ELMO1: variants seen among roughly 807,000 people sequenced by gnomAD.
ELMO1 encodes the protein engulfment and cell motility protein 1.
In ELMO1, 26 loss-of-function variants were observed where a neutral mutation model predicts 98.9. The ratio of observed to expected loss-of-function variants is 0.26; its 90% confidence interval spans 0.19 to 0.36. The LOEUF (loss-of-function observed/expected upper bound fraction) is 0.36. Among genes scored for constraint, ELMO1 ranks in the 10% least tolerant of loss-of-function variants. The pLI, the probability that ELMO1 is intolerant of heterozygous loss-of-function variation, is 1.00. For synonymous variants in ELMO1, 346 were observed against 346.0 expected, an observed-to-expected ratio of 1.00 and a Z score of 0.00; for missense variants, 627 against 935.2, an observed-to-expected ratio of 0.67 and a Z score of 4.30.
intron 16 of ELMO1, among the ~76,000 whole-genome samples, chr7:36,944,968 G>A (rs571179186): frequency 3.3e-5 from 5 of 152,274 alleles, no homozygotes; most frequent in East Asian, 1.9e-4. Context: ...TTCACTCTGC[G>A]AACCCAGGGC....
chr7:36,895,178 C>T (rs1805891772), intron 16 of ELMO1, among the ~76,000 whole-genome samples, 161 bp from the exon 17 acceptor site: 2 of 152,166 alleles, frequency 1.3e-5, no homozygotes, highest in Admixed American at 1.3e-4. Flanking sequence ...TTCCATTATG[C>T]CCATCTTCCA....
chr7:37,264,158 A>G (rs1359685111), intron 5 of ELMO1, among the ~76,000 whole-genome samples: 1 of 152,184 alleles, frequency 6.6e-6, no homozygotes, highest in Non-Finnish European at 1.5e-5. Flanking sequence ...GGGAGGTGGG[A>G]ATATGCGCAG....
chr7:37,067,818 T>C (rs1050881185), intron 15 of ELMO1, among the ~76,000 whole-genome samples: 3 of 152,162 alleles, frequency 2.0e-5, no homozygotes, highest in Non-Finnish European at 2.9e-5. Context: ...AGAACTCATG[T>C]GGCTAATAAA....
At chr7:36,988,654 AG>A (rs1285867541) in intron 16 of ELMO1, among the ~76,000 whole-genome samples, 2 of 152,226 alleles carry the variant, frequency 1.3e-5, no homozygotes, top group Non-Finnish European at 2.9e-5. Flanking sequence ...CATGATCTAA[AG>A]GAAGAGTAAA....
chr7:37,439,526 A>G (rs1020205685), intron 1 of ELMO1, among the ~76,000 whole-genome samples: 2 of 152,222 alleles, frequency 1.3e-5, no homozygotes, highest in African/African-American at 2.4e-5. Context: ...CCCAGGCTAC[A>G]GCATACAAAT....
At chr7:37,015,385 G>A (rs1291895950) in intron 15 of ELMO1, among the ~76,000 whole-genome samples, 1 of 152,096 alleles carries the variant, frequency 6.6e-6, no homozygotes, top group Non-Finnish European at 1.5e-5. Context: ...GATCATCTGA[G>A]GTCAGAAGTT....
chr7:36,867,909 G>A (rs1021262672), intron 20 of ELMO1, among the ~76,000 whole-genome samples: 1 of 152,074 alleles, frequency 6.6e-6, no homozygotes, highest in African/African-American at 2.4e-5. Context: ...TTTAAGACAT[G>A]CTTTACGGTC....
chr7:37,137,839 A>G (rs1453171165), intron 13 of ELMO1, among the ~76,000 whole-genome samples: 1 of 152,116 alleles, frequency 6.6e-6, no homozygotes, highest in East Asian at 1.9e-4. Flanking sequence ...GCCTGGCCCA[A>G]GTCTCAGTAA....
rs548547191 is a variant in ELMO1 at position 37,135,345 on chromosome 7, G to T, written c.1087-2111C>A. Among the ~76,000 whole-genome samples the T allele has an allele frequency of 3.9e-5, 6 of 152,258 alleles. No homozygotes were observed. The South Asian group carries it at 1.2e-3, about 32-fold the overall frequency. On this transcript the variant is annotated intron_variant, in intron 13 of 21. Transcript: ENST00000310758. ...ATGAACTTTTGTTCCAAGAACAACC[G>T]CAGGAACATACCAGGAAAGCTGAGA...
chr7:37,365,901 C>T (rs1374268156), intron 1 of ELMO1, among the ~76,000 whole-genome samples: 2 of 152,130 alleles, frequency 1.3e-5, no homozygotes, highest in African/African-American at 2.4e-5. Flanking sequence ...TGTAAAATGG[C>T]TAATATGTAT....
In ELMO1 at chr7:37,157,892, A is replaced by T. The variant is rs550617272; in HGVS notation, c.1087-24658T>A. ...ACAAAGCTGGAGGCATCACACTACC[A>T]GACTTCAAACTATACTATAAGGCTA... On this transcript the variant is annotated intron_variant, in intron 13 of 21. Coordinates refer to ENST00000310758, the MANE Select transcript of ELMO1 (RefSeq NM_014800.11). Among the ~76,000 whole-genome samples the T allele has an allele frequency of 2.7e-3, 410 of 152,170 alleles. 2 individuals carry two copies. Among genetic ancestry groups the T allele is most frequent in the African/African-American group, 8.9e-3 (370 of 41,522 alleles).
intron 17 of ELMO1, among the ~76,000 whole-genome samples, chr7:36,894,499 C>CTA (rs1481747324): frequency 6.6e-6 from 1 of 152,180 alleles, no homozygotes; most frequent in East Asian, 1.9e-4. Context: ...CAAGGTCTTG[C>CTA]TATTCAAAGG....
intron 6 of ELMO1, among the ~76,000 whole-genome samples, chr7:37,252,150 T>C (rs1795383156): frequency 6.6e-6 from 1 of 152,170 alleles, no homozygotes; most frequent in African/African-American, 2.4e-5. Context: ...AAAATGGCCA[T>C]ACTGCCCAAA....
intron 16 of ELMO1, among the ~76,000 whole-genome samples, chr7:36,971,425 T>C (rs1789940437): frequency 6.6e-6 from 1 of 152,330 alleles, no homozygotes; most frequent in East Asian, 1.9e-4. Context: ...AGCTTGTTAT[T>C]TGAAGACATA....
intron 20 of ELMO1, among the ~76,000 whole-genome samples, chr7:36,862,422 C>T (rs1160763865): frequency 6.6e-6 from 1 of 152,224 alleles, no homozygotes; most frequent in African/African-American, 2.4e-5. Context: ...GGAGTGCACG[C>T]AATGAGCCAG....
At chr7:37,398,378 C>T (rs1803384783) in intron 1 of ELMO1, among the ~76,000 whole-genome samples, 1 of 152,164 alleles carries the variant, frequency 6.6e-6, no homozygotes, top group Non-Finnish European at 1.5e-5. Flanking sequence ...GAAATGTAAA[C>T]ATTCAATTAA....
At chr7:36,918,496 A>G (rs941917225) in intron 16 of ELMO1, among the ~76,000 whole-genome samples, 18 of 152,196 alleles carry the variant, frequency 1.2e-4, no homozygotes, top group Non-Finnish European at 1.9e-4. Flanking sequence ...ACAGTCACCC[A>G]GGGGATTCAC....
chr7:37,411,632 G>C (rs565858991), intron 1 of ELMO1, among the ~76,000 whole-genome samples: 3 of 152,136 alleles, frequency 2.0e-5, no homozygotes, highest in African/African-American at 7.2e-5. Flanking sequence ...GTGTGTGTGC[G>C]GGGCCAAGGA....
chr7:37,336,846 C>T (rs10269037), intron 2 of ELMO1, among the ~76,000 whole-genome samples: 66,691 of 151,938 alleles, frequency 0.44, 14,863 homozygotes, highest in African/African-American at 0.52. Context: ...TTAAATAAGC[C>T]TGGAATGGAA....
Sources: gnomAD v4.1 joint callset for allele counts (sites outside exome capture counted in the v4.1 genomes callset) on GRCh38, gnomAD v4.1.1 for gene constraint, MANE v1.5 for transcripts, NCBI Gene and HGNC (gene_info 2026-07-23, HGNC 2026-07-21) for gene names.